Variants in ELMO1 observed in about 807,000 individuals in gnomAD.
The protein encoded by ELMO1 is engulfment and cell motility protein 1.
ELMO1 carries 26 observed loss-of-function variants against 98.9 expected under a neutral mutation model. The ratio of observed to expected loss-of-function variants is 0.26; its 90% CI spans 0.19 to 0.36. ELMO1 has a LOEUF of 0.36. ELMO1 is among the 10% of genes least tolerant of loss of function. The pLI, the probability that ELMO1 is intolerant of heterozygous loss-of-function variation, is 1.00. For synonymous variants in ELMO1, 346 were observed against 346.0 expected, an observed-to-expected ratio of 1.00 and a Z score of 0.00; for missense variants, 627 against 935.2, an observed-to-expected ratio of 0.67 and a Z score of 4.30.
chr7:37,247,651 T>C (rs567474771), intron 6 of ELMO1, among the ~76,000 whole-genome samples: 1 of 152,206 alleles, frequency 6.6e-6, no homozygotes, highest in Non-Finnish European at 1.5e-5. Flanking sequence ...ATGGCTGACC[T>C]ATAATTTAAA....
At chr7:37,423,312 G>T (rs1367329707) in intron 1 of ELMO1, among the ~76,000 whole-genome samples, 3 of 152,202 alleles carry the variant, frequency 2.0e-5, no homozygotes, top group Non-Finnish European at 4.4e-5. Flanking sequence ...GGGCGTGGTG[G>T]CTTACACCTG....
intron 15 of ELMO1, among the ~76,000 whole-genome samples, chr7:37,037,910 A>G (rs1584548321): frequency 6.6e-6 from 1 of 152,174 alleles, no homozygotes; most frequent in African/African-American, 2.4e-5. Flanking sequence ...AGTTATGGAA[A>G]AGGTAGCACA....
intron 4 of ELMO1, among the ~76,000 whole-genome samples, chr7:37,287,547 T>C (rs972468619): frequency 6.6e-6 from 1 of 152,250 alleles, no homozygotes; most frequent in African/African-American, 2.4e-5. Flanking sequence ...TAAATGGATG[T>C]ACTTTAATTT....
intron 19 of ELMO1, among the ~76,000 whole-genome samples, chr7:36,877,415 T>C (rs1345553033): frequency 1.3e-5 from 2 of 152,230 alleles, no homozygotes; most frequent in African/African-American, 4.8e-5. Flanking sequence ...AAAAGAATCC[T>C]GCACATTACT....
At chr7:37,219,130 G>A (rs1273748743) in intron 10 of ELMO1, among the ~76,000 whole-genome samples, 1 of 152,142 alleles carries the variant, frequency 6.6e-6, no homozygotes, top group African/African-American at 2.4e-5. Context: ...ACATCCCAGA[G>A]GCATGGGAAA....
chr7:36,909,874 T>C (rs962881304), intron 16 of ELMO1, among the ~76,000 whole-genome samples: 1 of 152,118 alleles, frequency 6.6e-6, no homozygotes, highest in Non-Finnish European at 1.5e-5. Context: ...TGGGAAGTAA[T>C]AGAAAAATTC....
At chr7:37,117,038 T>G (rs1316707176) in intron 14 of ELMO1, 1 of 209,058 alleles carries the variant, frequency 4.8e-6, no homozygotes, top group African/African-American at 2.3e-5. Flanking sequence ...ATTATGTTCC[T>G]GAGATCTTAG....
chr7:37,388,379 T>C (rs550632010), intron 1 of ELMO1, among the ~76,000 whole-genome samples: 63 of 151,078 alleles, frequency 4.2e-4, no homozygotes, highest in African/African-American at 1.5e-3. Flanking sequence ...TTGTAATAAG[T>C]AATCCTGACA....
chr7:37,431,886 TTG>T (rs1804946239), intron 1 of ELMO1, among the ~76,000 whole-genome samples: 2 of 152,034 alleles, frequency 1.3e-5, no homozygotes, highest in African/African-American at 4.8e-5. Context: ...GTTTGTTTGT[TTG>T]TTTGTTTTTT....
chr7:36,857,392 C>G (rs1802284076), intron 21 of ELMO1, among the ~76,000 whole-genome samples: 1 of 152,092 alleles, frequency 6.6e-6, no homozygotes, highest in Non-Finnish European at 1.5e-5. Context: ...AACGAACACG[C>G]AGGTACGGGT....
chr7:37,225,825 T>C (rs1793842402), intron 8 of ELMO1, among the ~76,000 whole-genome samples: 1 of 151,890 alleles, frequency 6.6e-6, no homozygotes, highest in Non-Finnish European at 1.5e-5. Flanking sequence ...ACCATAAAGG[T>C]TTTATTTTAG....
At chr7:37,288,651 G>A (rs1030124246) in intron 4 of ELMO1, among the ~76,000 whole-genome samples, 5 of 152,226 alleles carry the variant, frequency 3.3e-5, no homozygotes, top group Admixed American at 1.3e-4. Flanking sequence ...ACCACATTGC[G>A]AAGATGGAGA....
At chr7:37,291,627 C>G (rs1348750368) in intron 4 of ELMO1, among the ~76,000 whole-genome samples, 1 of 152,168 alleles carries the variant, frequency 6.6e-6, no homozygotes, top group African/African-American at 2.4e-5. Context: ...AAATTAAAGA[C>G]ACGTAGGCCA....
At chr7:37,077,241 T>C (rs919363376) in intron 15 of ELMO1, among the ~76,000 whole-genome samples, 1 of 152,186 alleles carries the variant, frequency 6.6e-6, no homozygotes, top group Non-Finnish European at 1.5e-5. Flanking sequence ...GAGATGTGCC[T>C]CAACAGGGCG....
chr7:37,363,707 A>T (rs1036449624), intron 1 of ELMO1, among the ~76,000 whole-genome samples: 1 of 152,196 alleles, frequency 6.6e-6, no homozygotes, highest in African/African-American at 2.4e-5. Context: ...CTAGAAGGGG[A>T]AAAATAAATC....
chr7:36,865,801 G>T (rs1802992977), intron 20 of ELMO1, among the ~76,000 whole-genome samples: 2 of 152,054 alleles, frequency 1.3e-5, no homozygotes, highest in African/African-American at 4.8e-5. Flanking sequence ...TAGGGCCAGG[G>T]GCCAGGTCAT....
intron 1 of ELMO1, among the ~76,000 whole-genome samples, chr7:37,377,069 G>T (rs1464786805): frequency 1.3e-5 from 2 of 152,152 alleles, no homozygotes; most frequent in Admixed American, 6.5e-5. Context: ...TACTTTAAAG[G>T]AGCTCAGAAC....
chr7:37,067,405 T>C (rs561383758), intron 15 of ELMO1, among the ~76,000 whole-genome samples: 1 of 152,220 alleles, frequency 6.6e-6, no homozygotes, highest in Non-Finnish European at 1.5e-5. Context: ...TAAACGTATG[T>C]GCAACAAAGA....
chr7:37,374,778 C>A (rs1365774331), intron 1 of ELMO1, among the ~76,000 whole-genome samples: 1 of 148,834 alleles, frequency 6.7e-6, no homozygotes, highest in Non-Finnish European at 1.5e-5. Flanking sequence ...AAATAAATAT[C>A]TTGGCTGGGC....
Sources: gnomAD v4.1 joint callset for allele counts (sites outside exome capture counted in the v4.1 genomes callset) on GRCh38, gnomAD v4.1.1 for gene constraint, MANE v1.5 for transcripts, NCBI Gene and HGNC (gene_info 2026-07-23, HGNC 2026-07-21) for gene names.